The following RPS6KC1 variants were observed in gnomAD, a reference collection of about 807,000 sequenced individuals.
The protein encoded by RPS6KC1 is inactive ribosomal protein S6 kinase delta-1.
In RPS6KC1, 54 loss-of-function variants were observed where a neutral mutation model predicts 103.8. The ratio of observed to expected loss-of-function variants is 0.52; its 90% CI spans 0.42 to 0.65. RPS6KC1 has a LOEUF of 0.65. Ranked by LOEUF, RPS6KC1 falls within the 30% of genes least tolerant of loss-of-function variation. The pLI is 0.00. For missense variants in RPS6KC1, 1,151 were observed against 1,253.8 expected, an observed-to-expected ratio of 0.92 and a Z score of 1.24; for synonymous variants, 439 against 438.7, an observed-to-expected ratio of 1.00 and a Z score of -0.01.
At chr1:213,149,436 G>T (rs150454429) in intron 6 of RPS6KC1, among the ~76,000 whole-genome samples, 6 of 152,152 alleles carry the variant, frequency 3.9e-5, no homozygotes, top group Non-Finnish European at 8.8e-5. Context: ...TTTAATTTCC[G>T]TGTATTTCTG....
At chr1:213,409,169 G>A in the RPS6KC1 span, among the ~76,000 whole-genome samples, 1 of 152,084 alleles carries the variant, frequency 6.6e-6, no homozygotes, top group Non-Finnish European at 1.5e-5. Context: ...CAGGTCCCAC[G>A]CTTGTCCTCT....
the RPS6KC1 span, among the ~76,000 whole-genome samples, chr1:213,492,008 T>C: frequency 4.5e-4 from 68 of 152,170 alleles, no homozygotes; most frequent in Non-Finnish European, 8.8e-4. Flanking sequence ...TATAAGGTGG[T>C]TCTTCTCTTC....
chr1:213,579,388 A>G, the RPS6KC1 span, among the ~76,000 whole-genome samples: 3 of 152,148 alleles, frequency 2.0e-5, no homozygotes, highest in African/African-American at 7.2e-5. Flanking sequence ...AGAAGCTAGC[A>G]GAGGTTGATT....
At chr1:213,590,966 A>G in the RPS6KC1 span, among the ~76,000 whole-genome samples, 1 of 152,010 alleles carries the variant, frequency 6.6e-6, no homozygotes, top group Non-Finnish European at 1.5e-5. Context: ...TGCAGCCCCC[A>G]CCACCGCAGC....
chr1:213,486,649 C>T, the RPS6KC1 span, among the ~76,000 whole-genome samples: 4 of 152,272 alleles, frequency 2.6e-5, no homozygotes, highest in East Asian at 3.9e-4. Context: ...GTGAGACATG[C>T]CCACTGTGTG....
the RPS6KC1 span, among the ~76,000 whole-genome samples, chr1:213,369,748 C>T: frequency 6.6e-6 from 1 of 152,238 alleles, no homozygotes; most frequent in Non-Finnish European, 1.5e-5. Flanking sequence ...GTGTGGCCAG[C>T]AGGATGGGGA....
intron 8 of RPS6KC1, among the ~76,000 whole-genome samples, chr1:213,187,601 C>T (rs1431229229): frequency 2.0e-5 from 3 of 151,722 alleles, no homozygotes; most frequent in Non-Finnish European, 4.4e-5. Context: ...TGTATGTTAT[C>T]TTGGAGGTCG....
the RPS6KC1 span, among the ~76,000 whole-genome samples, chr1:213,668,601 C>G: frequency 1.3e-5 from 2 of 151,894 alleles, no homozygotes; most frequent in East Asian, 3.9e-4. Flanking sequence ...CTTAAAGTTA[C>G]AAGCTACATT....
At chr1:213,075,233 C>T (rs2148503724) in intron 2 of RPS6KC1, among the ~76,000 whole-genome samples, 1 of 152,166 alleles carries the variant, frequency 6.6e-6, no homozygotes, top group South Asian at 2.1e-4. Flanking sequence ...TCATAATGAC[C>T]TTAACCTTAC....
the RPS6KC1 span, among the ~76,000 whole-genome samples, chr1:213,749,490 C>T: frequency 6.6e-6 from 1 of 152,162 alleles, no homozygotes; most frequent in Non-Finnish European, 1.5e-5. Flanking sequence ...AGCACATGCC[C>T]TGGGCATGCA....
chr1:213,826,913 C>A, the RPS6KC1 span, among the ~76,000 whole-genome samples: 1 of 152,152 alleles, frequency 6.6e-6, no homozygotes, highest in African/African-American at 2.4e-5. Context: ...GGTTCAGGTC[C>A]CATCACATTG....
chr1:213,854,557 T>TTTCTTTCA, the RPS6KC1 span, among the ~76,000 whole-genome samples: 8 of 107,590 alleles, frequency 7.4e-5, no homozygotes, highest in Non-Finnish European at 1.3e-4. Context: ...TCTTTCTTTC[T>TTTCTTTCA]TTCTTTCTCT....
chr1:213,195,358 G>A (rs1401812431), intron 8 of RPS6KC1, among the ~76,000 whole-genome samples: 1 of 152,186 alleles, frequency 6.6e-6, no homozygotes, highest in Non-Finnish European at 1.5e-5. Context: ...TTAATGGAAG[G>A]TACGTGGGAA....
At chr1:213,430,964 C>T in the RPS6KC1 span, among the ~76,000 whole-genome samples, 7 of 151,982 alleles carry the variant, frequency 4.6e-5, no homozygotes, top group Non-Finnish European at 8.8e-5. Context: ...TACCTGAATT[C>T]GCGCTTGCCG....
At chr1:213,558,971 T>C in the RPS6KC1 span, among the ~76,000 whole-genome samples, 3 of 152,278 alleles carry the variant, frequency 2.0e-5, no homozygotes, top group African/African-American at 7.2e-5. Flanking sequence ...CTTGAATCTT[T>C]CTTTGATCAA....
At chr1:213,829,532 C>G in the RPS6KC1 span, among the ~76,000 whole-genome samples, 1,968 of 152,242 alleles carry the variant, frequency 0.013, 24 homozygotes, top group Middle Eastern at 0.02. Context: ...TCCAACCAAG[C>G]ATCTTACCAG....
chr1:213,332,926 C>T, the RPS6KC1 span, among the ~76,000 whole-genome samples: 2 of 152,250 alleles, frequency 1.3e-5, no homozygotes, highest in South Asian at 4.2e-4. Flanking sequence ...TGGAAAGAAA[C>T]TCAGGGTTCC....
chr1:213,656,425 G>A, the RPS6KC1 span, among the ~76,000 whole-genome samples: 2 of 152,210 alleles, frequency 1.3e-5, no homozygotes, highest in African/African-American at 2.4e-5. Context: ...TGTGAATAAT[G>A]AAGACAAAAT....
At chr1:213,429,713 CT>C in the RPS6KC1 span, among the ~76,000 whole-genome samples, 1 of 152,198 alleles carries the variant, frequency 6.6e-6, no homozygotes, top group African/African-American at 2.4e-5. Context: ...TCTCCACCCA[CT>C]ATCCCTCCTA....
Sources: allele counts gnomAD v4.1 joint callset (sites outside exome capture counted in the v4.1 genomes callset), GRCh38; gene constraint gnomAD v4.1.1; transcripts MANE v1.5; gene names NCBI Gene and HGNC (gene_info 2026-07-23, HGNC 2026-07-21).